The following FFAR1 variants were observed in gnomAD, a reference collection of about 807,000 sequenced individuals.
The protein encoded by FFAR1 is free fatty acid receptor 1.
For missense variants in FFAR1, 424 were observed against 396.2 expected, an observed-to-expected ratio of 1.07 and a Z score of -0.60; for synonymous variants, 216 against 201.5, an observed-to-expected ratio of 1.07 and a Z score of -0.61.
At chr19:35,352,569 G>T in exon 1 of FFAR1, 2 of 1,185,040 alleles carry the variant, frequency 1.7e-6, no homozygotes, top group Non-Finnish European at 2.3e-6. Context: ...GGCCTCCCTG[G>T]AGCCACTCAA....
chr19:35,348,018 C>G (rs1021317957), upstream of FFAR1, among the ~76,000 whole-genome samples: 1 of 152,216 alleles, frequency 6.6e-6, no homozygotes, highest in Admixed American at 6.5e-5. Flanking sequence ...TGATCTTTCT[C>G]CACCCATTCA....
chr19:35,348,775 T>C (rs1431091417), upstream of FFAR1, among the ~76,000 whole-genome samples: 1 of 152,088 alleles, frequency 6.6e-6, no homozygotes, highest in East Asian at 1.9e-4. Context: ...AGATAAGGCG[T>C]AGGACCAACC....
At chr19:35,350,803 C>T (rs577250252), upstream of FFAR1, among the ~76,000 whole-genome samples, 2 of 152,340 alleles carry the variant, frequency 1.3e-5, no homozygotes, top group Admixed American at 1.3e-4. Flanking sequence ...GCTGAGGGGA[C>T]TGCTGAGCCT....
At chr19:35,353,214 C>T (rs1181924492) in exon 1 of FFAR1, 1 of 152,260 alleles carries the variant, frequency 6.6e-6, no homozygotes, top group African/African-American at 2.4e-5. Context: ...GGCACAGTGG[C>T]TTATGCCTGT....
chr19:35,352,031 C>T (rs1188174645), exon 1 of FFAR1: 3 of 1,614,074 alleles, frequency 1.9e-6, no homozygotes, highest in Admixed American at 1.7e-5. Flanking sequence ...CCCTGGGCAT[C>T]AACACACCGG....
chr19:35,351,356 G>C (rs1234877879), upstream of FFAR1, among the ~76,000 whole-genome samples: 1 of 152,168 alleles, frequency 6.6e-6, no homozygotes, highest in Non-Finnish European at 1.5e-5. Context: ...TCTCATCCAG[G>C]CTCCGCTGCT....
At chr19:35,349,219 C>G (rs927239857), upstream of FFAR1, among the ~76,000 whole-genome samples, 8 of 152,160 alleles carry the variant, frequency 5.3e-5, no homozygotes, top group African/African-American at 1.7e-4. Context: ...AGGAGCCAGC[C>G]AAGACGATGT....
At chr19:35,350,707 C>A (rs2066940587), upstream of FFAR1, among the ~76,000 whole-genome samples, 1 of 152,220 alleles carries the variant, frequency 6.6e-6, no homozygotes. Context: ...CTCACCCAAG[C>A]TGCTAGAACC....
chr19:35,352,472 A>G, exon 1 of FFAR1: 5 of 1,548,052 alleles, frequency 3.2e-6, no homozygotes, highest in Non-Finnish European at 4.4e-6. Context: ...GCTCGGGGGA[A>G]GGAGCATGGG....
upstream of FFAR1, among the ~76,000 whole-genome samples, chr19:35,349,989 G>T (rs977480793): frequency 1.3e-5 from 2 of 152,176 alleles, no homozygotes; most frequent in Non-Finnish European, 2.9e-5. Context: ...AGGCTGGGAG[G>T]ACTTCCAGGG....
At chr19:35,352,907 CA>C (rs770460955) in exon 1 of FFAR1, 8 of 205,580 alleles carry the variant, frequency 3.9e-5, no homozygotes, top group Non-Finnish European at 8.0e-5. Context: ...AGGCAGGAGG[CA>C]GGATAATGAC....
chr19:35,351,352 C>T (rs2066943308), upstream of FFAR1, among the ~76,000 whole-genome samples: 1 of 152,166 alleles, frequency 6.6e-6, no homozygotes, highest in Non-Finnish European at 1.5e-5. Context: ...GGCTTCTCAT[C>T]CAGGCTCCGC....
exon 1 of FFAR1, chr19:35,353,637 T>A (rs1192313133): frequency 6.6e-6 from 1 of 152,266 alleles, no homozygotes; most frequent in East Asian, 1.9e-4. Flanking sequence ...TTATCAATAC[T>A]GTAAGTTTTG....
At chr19:35,352,651 GGGGA>G (rs1159528034) in exon 1 of FFAR1, 2 of 621,752 alleles carry the variant, frequency 3.2e-6, no homozygotes, top group African/African-American at 3.7e-5. Flanking sequence ...ACGGTGGCAG[GGGGA>G]GGTAAGTTTG....
upstream of FFAR1, chr19:35,351,468 A>T (rs369386290): frequency 8.2e-7 from 1 of 1,219,300 alleles, no homozygotes; most frequent in African/African-American, 1.5e-5. Flanking sequence ...TGATCCCAGG[A>T]GCCCCTCCTC....
At chr19:35,352,677 G>A (rs2066951071) in exon 1 of FFAR1, 2 of 591,642 alleles carry the variant, frequency 3.4e-6, no homozygotes, top group Non-Finnish European at 6.0e-6. Flanking sequence ...CCCTGCACGT[G>A]TCGAGGAAGT....
chr19:35,352,386 T>C (rs1396228320), exon 1 of FFAR1: 1 of 1,554,032 alleles, frequency 6.4e-7, no homozygotes, highest in East Asian at 2.4e-5. Flanking sequence ...GACCGGTTAC[T>C]TGGGAAGGGG....
chr19:35,351,621 G>C (rs1390150049), exon 1 of FFAR1: 1 of 1,543,140 alleles, frequency 6.5e-7, no homozygotes, highest in Non-Finnish European at 8.7e-7. Flanking sequence ...CCCGCTCAAC[G>C]TCCTGGCCAT....
upstream of FFAR1, among the ~76,000 whole-genome samples, chr19:35,351,157 T>A (rs1213815706): frequency 3.3e-5 from 5 of 152,318 alleles, no homozygotes; most frequent in East Asian, 1.9e-4. Flanking sequence ...AGGCTCAGGC[T>A]GTGGGCCCAG....
Sources: allele counts gnomAD v4.1 joint callset (sites outside exome capture counted in the v4.1 genomes callset), GRCh38; gene constraint gnomAD v4.1.1; transcripts MANE v1.5; gene names NCBI Gene and HGNC (gene_info 2026-07-23, HGNC 2026-07-21).